The following STK26 variants were observed in gnomAD, a reference collection of about 807,000 sequenced individuals.
The protein encoded by STK26 is serine/threonine kinase 26.
A neutral mutation model predicts 34.7 loss-of-function variants in STK26; 14 were observed. That is an observed-to-expected ratio of 0.40 (90% confidence interval 0.27 to 0.63). The LOEUF (loss-of-function observed/expected upper bound fraction) is 0.63, where lower values mean the gene tolerates loss of function less well. STK26 is among the 30% of genes least tolerant of loss of function. The probability of loss-of-function intolerance (pLI) is 0.38; values close to 1 mark genes in which losing one functional copy is unlikely to be tolerated. For synonymous variants in STK26, 100 were observed against 109.8 expected (o/e 0.91, Z 0.56); for missense variants, 226 against 309.1 (o/e 0.73, Z 2.02).
chrX:132,049,127 T>A (rs1325671506), intron 2 of STK26, among the ~76,000 whole-genome samples: 1 of 110,817 alleles, frequency 9.0e-6, no homozygotes, highest in Non-Finnish European at 1.9e-5. Context: ...TACAGGCACG[T>A]GCCACCATGC....
Position 132,071,137 on chromosome X carries a change from G to C in STK26, c.852G>C (p.Leu284=). Residue 284 remains leucine (L), a synonymous_variant, in exon 8 of 12, where the codon CTG becomes CTC. Coordinates refer to ENST00000394334, the MANE Select transcript of STK26 (RefSeq NM_016542.4). The part of the protein sequence containing the change: ...IVKNSKKTSY[L]TELIDRFKRW... The stretch of plus-strand genomic sequence containing the variant: ...AAAATTCAAAGAAGACTTCTTATCT[G>C]ACTGAACTGATAGATCGTTTTAAGA... The C allele has an allele frequency of 8.3e-7, 1 of 1,208,135 alleles. No individual in the cohort carries two copies. The highest frequency in any genetic ancestry group is 1.1e-6 in the Non-Finnish European group (1 of 892,488).
chrX:132,041,808 C>A (rs970214543), intron 2 of STK26, among the ~76,000 whole-genome samples: 16 of 110,779 alleles, frequency 1.4e-4, no homozygotes, highest in Non-Finnish European at 2.5e-4. Context: ...TGTTGATTAT[C>A]CCAATTGGAG....
rs749808677 is a variant in STK26 at position 132,073,074 on chromosome X, C to A, written c.1207C>A (p.Leu403Ile). 14 of 1,186,254 alleles carry A rather than the reference C, an allele frequency of 1.2e-5. No homozygotes were observed. The highest frequency in any genetic ancestry group is 1.6e-5 in the Non-Finnish European group (14 of 884,877). Reference protein sequence around the residue: ...PGITDKMVKKLIEKFQKCSAD... With the variant: ...PGITDKMVKKIIEKFQKCSAD... ...CATCACAGATAAAATGGTGAAGAAACTAATTGAAAAATTTCAAAAGTAAGT... is the reference window on the plus strand; with the variant it reads ...CATCACAGATAAAATGGTGAAGAAAATAATTGAAAAATTTCAAAAGTAAGT... The change falls in exon 11 of 12, where the codon CTA becomes ATA. Residue 403 changes from leucine (L) to isoleucine (I), a missense_variant. By Grantham distance (5) the Leu-to-Ile change is conservative. Transcript: ENST00000394334.
At chrX:132,073,213 A>G in intron 11 of STK26, 120 bp downstream of exon 11, 1 of 763,321 alleles carries the variant, frequency 1.3e-6, no homozygotes, top group Non-Finnish European at 1.9e-6. Flanking sequence ...TCACCTTTCA[A>G]TACATAGTTG....
chrX:132,053,896 C>A (rs1926769327), intron 2 of STK26, among the ~76,000 whole-genome samples: 1 of 112,085 alleles, frequency 8.9e-6, no homozygotes, highest in Non-Finnish European at 1.9e-5. Flanking sequence ...TACGTCATGC[C>A]TATACATTTG....
chrX:132,057,359 A>G (rs1311390648), intron 3 of STK26, among the ~76,000 whole-genome samples: 1 of 111,787 alleles, frequency 8.9e-6, no homozygotes, highest in African/African-American at 3.3e-5. Context: ...TCTACTGTGT[A>G]GTGATACCAA....
chrX:132,068,088 T>C lies in STK26; in HGVS notation c.331-127T>C, dbSNP rs1233140395. ...CATTTTTCCTTCCTTGTTTAGATAT[T>C]GGTTTGATAAACAGAACGGCATCAT... is the stretch of plus-strand genomic sequence containing the variant. On this transcript the variant is annotated intron_variant, in intron 4 of 11. Coordinates refer to ENST00000394334, the MANE Select transcript of STK26 (RefSeq NM_016542.4). 3 of 462,335 alleles carry C rather than the reference T, an allele frequency of 6.5e-6. No individual in the cohort carries two copies. In the Admixed American group the frequency reaches 1.4e-4, roughly 21 times the overall value. 38.1% of individuals were successfully genotyped at this position (462,335 alleles called of 1,213,427 possible).
intron 3 of STK26, 81 bp from the exon 4 acceptor site, chrX:132,063,352 A>C: frequency 2.4e-6 from 2 of 843,077 alleles, no homozygotes; most frequent in Non-Finnish European, 3.5e-6. Flanking sequence ...TCTGTGCTTT[A>C]GTATGTGAGA....
chrX:132,037,769 C>CTTTTTTTTTTTTTTTTTTT lies in STK26; in HGVS notation c.42+14115_42+14133dup, dbSNP rs755403402. 9.8e-4 allele frequency among the ~76,000 whole-genome samples: 51 copies of CTTTTTTTTTTTTTTTTTTT among 51,855 alleles called. 3 individuals carry two copies. Among genetic ancestry groups the CTTTTTTTTTTTTTTTTTTT allele is most frequent in the Middle Eastern group, 0.014 (1 of 70 alleles). 45.0% of individuals were successfully genotyped at this position (51,855 alleles called of 115,157 possible). A position where few individuals can be genotyped will look rare whatever the true frequency, so the allele number is the denominator to read the frequency against. ...ACAAAGTCTTGTAACCGGAGAGCTG[C>CTTTTTTTTTTTTTTTTTTT]TTTTTTTTTTTTTTTTTTTTTTTAA... On this transcript the variant is annotated intron_variant, in intron 2 of 11. Transcript: ENST00000394334.
At chrX:132,058,676 A>G (rs1488227818) in intron 3 of STK26, among the ~76,000 whole-genome samples, 1 of 111,422 alleles carries the variant, frequency 9.0e-6, no homozygotes, top group Non-Finnish European at 1.9e-5. Context: ...TTTGTCCCAA[A>G]TTTTGATTGT....
At chrX:132,039,980 T>G (rs982480880) in intron 2 of STK26, among the ~76,000 whole-genome samples, 4 of 112,023 alleles carry the variant, frequency 3.6e-5, no homozygotes, top group Non-Finnish European at 7.5e-5. Context: ...CAATTCTAGA[T>G]GCACCGGAGA....
In STK26 at chrX:132,054,720, C is replaced by A. The variant is rs760833845; in HGVS notation, c.132C>A (p.Asn44Lys). ...GGGAAGTTTTCAAAGGAATTGATAA[C>A]CGTACCCAGCAAGTCGTTGCTATTA... ...SFGEVFKGID[N>K]RTQQVVAIKI... Residue 44 changes from asparagine (N) to lysine (K), a missense_variant, in exon 3 of 12, where the codon AAC becomes AAA. Physicochemically the swap from Asn to Lys is moderately conservative, Grantham distance 94 (BLOSUM62 0). Coordinates refer to ENST00000394334, the MANE Select transcript of STK26 (RefSeq NM_016542.4). 11 of 1,209,517 alleles carry A rather than the reference C, an allele frequency of 9.1e-6. No individual in the cohort carries two copies. The Admixed American group carries it at 2.2e-4, about 24-fold the overall frequency.
chrX:132,023,491 T>G lies in STK26; in HGVS notation c.-110-17T>G. 1.1e-6 allele frequency: 1 copy of G among 881,455 alleles called. No individual in the cohort carries two copies. Among genetic ancestry groups the G allele is most frequent in the Non-Finnish European group, 1.6e-6 (1 of 616,551 alleles). The allele number at this position is 881,455 out of a possible 1,213,427, so 72.6% of individuals were successfully genotyped here. On this transcript the variant is annotated splice_polypyrimidine_tract_variant and intron_variant, in intron 1 of 11. Coordinates refer to ENST00000394334, the MANE Select transcript of STK26 (RefSeq NM_016542.4). ...GCGCCGCCAGCCCAGTAACCCCACT[T>G]TTGTGTGTCCTCCCAGGCCCCGATC...
At chrX:132,069,410 CATATAT>C (rs57609807) in intron 6 of STK26, 62 bp from the exon 7 acceptor site, 6,851 of 91,298 alleles carry the variant, frequency 0.075, 248 homozygotes, top group African/African-American at 0.13. Context: ...CATACATACA[CATATAT>C]ATATATATAT....
chrX:132,034,464 G>A (rs1224614777), intron 2 of STK26, among the ~76,000 whole-genome samples: 1 of 107,844 alleles, frequency 9.3e-6, no homozygotes, highest in East Asian at 2.9e-4. Context: ...CTGCCACTAC[G>A]CCTGGCTAAC....
chrX:132,069,582 C>T lies in STK26; in HGVS notation c.702C>T (p.Asn234=). 8.5e-7 allele frequency: 1 copy of T among 1,177,417 alleles called. No individual in the cohort carries two copies. Among genetic ancestry groups the T allele is most frequent in the Non-Finnish European group, 1.1e-6 (1 of 878,793 alleles). Residue 234 remains asparagine (N), a synonymous_variant, in exon 7 of 12, where the codon AAC becomes AAT. Coordinates refer to ENST00000394334, the MANE Select transcript of STK26 (RefSeq NM_016542.4). Reference sequence around the variant, plus strand: ...GAGTTCTGTTTCTTATTCCCAAAAACAATCCTCCAACTCTTGTTGGAGACT... The same window carrying T: ...GAGTTCTGTTTCTTATTCCCAAAAATAATCCTCCAACTCTTGTTGGAGACT... The part of the protein sequence containing the change: ...PMRVLFLIPK[N]NPPTLVGDFT...
chrX:132,051,630 G>C (rs1569331963), intron 2 of STK26, among the ~76,000 whole-genome samples: 1 of 110,982 alleles, frequency 9.0e-6, no homozygotes, highest in African/African-American at 3.3e-5. Flanking sequence ...TAAGTTCTGG[G>C]GTACACGTGC....
chrX:132,058,548 G>C (rs1321736816), intron 3 of STK26, among the ~76,000 whole-genome samples: 1 of 111,256 alleles, frequency 9.0e-6, no homozygotes. Context: ...ATGAGTGACA[G>C]CTCTATCTTC....
intron 3 of STK26, among the ~76,000 whole-genome samples, chrX:132,062,410 T>C (rs771219152): frequency 8.9e-6 from 1 of 112,601 alleles, no homozygotes; most frequent in East Asian, 2.8e-4. Context: ...TGTATACATA[T>C]ATTCCTCCCA....
Sources: gnomAD v4.1 joint callset for allele counts (sites outside exome capture counted in the v4.1 genomes callset) on GRCh38, gnomAD v4.1.1 for gene constraint, MANE v1.5 for transcripts, NCBI Gene and HGNC (gene_info 2026-07-23, HGNC 2026-07-21) for gene names.